Variants in COL4A5 observed in about 807,000 individuals in gnomAD.
COL4A5 encodes the protein collagen type IV alpha 5 chain.
In COL4A5, 26 loss-of-function variants were observed where a neutral mutation model predicts 130.2. The observed-to-expected ratio is 0.20, with a 90% CI of 0.15 to 0.28. The LOEUF (loss-of-function observed/expected upper bound fraction) is 0.28. COL4A5 is among the 10% of genes least tolerant of loss of function. The probability of loss-of-function intolerance (pLI) is 1.00; values close to 1 mark genes in which losing one functional copy is unlikely to be tolerated. For synonymous variants in COL4A5, 496 were observed against 439.6 expected (o/e 1.13, Z -1.60); for missense variants, 1,131 against 1,344.3 (o/e 0.84, Z 2.48).
intron 16 of COL4A5, among the ~76,000 whole-genome samples, chrX:108,581,872 G>T (rs1035619472): frequency 1.8e-5 from 2 of 109,730 alleles, no homozygotes; most frequent in African/African-American, 3.3e-5. Context: ...TTCCCATACA[G>T]TTTTTTTGTG....
intron 1 of COL4A5, among the ~76,000 whole-genome samples, chrX:108,535,852 ATTTT>A (rs773357022): frequency 9.4e-6 from 1 of 106,543 alleles, no homozygotes; most frequent in Admixed American, 1.0e-4. Context: ...TTTTCCAAGC[ATTTT>A]TTTTTTAAGT....
At position 108,513,477 on chromosome X, in the gene COL4A5, C is replaced by G. The variant is rs767893045; in HGVS notation, c.82-26269C>G. ...CAATGTGCTTTTAATTTGCATTTCCCTGATGACTAGTGATGTCGAGCCCTT... is the reference window on the plus strand; with the variant it reads ...CAATGTGCTTTTAATTTGCATTTCCGTGATGACTAGTGATGTCGAGCCCTT... On this transcript the variant is annotated intron_variant, in intron 1 of 52. Transcript: ENST00000328300. 3.6e-5 allele frequency among the ~76,000 whole-genome samples: 4 copies of G among 111,841 alleles called. No homozygotes were observed. In the South Asian group the frequency reaches 1.1e-3, roughly 31 times the overall value.
chrX:108,621,904 G>T lies in COL4A5; in HGVS notation c.2767+12G>T. The T allele has an allele frequency of 8.8e-7, 1 of 1,139,662 alleles. No individual in the cohort carries two copies. Among genetic ancestry groups the T allele is most frequent in the Non-Finnish European group, 1.2e-6 (1 of 830,683 alleles). 93.9% of individuals were successfully genotyped at this position (1,139,662 alleles called of 1,213,427 possible). A position where few individuals can be genotyped will look rare whatever the true frequency, so the allele number is the denominator to read the frequency against. ...ACCTGGTCTTAAAGGTAATAATCAA[G>T]GTTTGCTGCCAGACGTATGTGAGAG... On this transcript the variant is annotated intron_variant, in intron 32 of 52. Transcript: ENST00000328300.
chrX:108,443,015 A>G (rs1051835162), intron 1 of COL4A5: 2 of 111,475 alleles, frequency 1.8e-5, no homozygotes. Context: ...GCCCTTAATG[A>G]CTGTCCTATA....
chrX:108,500,300 TC>T (rs2147564491), intron 1 of COL4A5, among the ~76,000 whole-genome samples: 1 of 112,132 alleles, frequency 8.9e-6, no homozygotes, highest in African/African-American at 3.2e-5. Flanking sequence ...TCTTTCAGGC[TC>T]CCATGAGAAT....
intron 21 of COL4A5, among the ~76,000 whole-genome samples, chrX:108,594,100 T>G (rs1163850049): frequency 1.8e-5 from 2 of 111,997 alleles, no homozygotes; most frequent in Non-Finnish European, 3.8e-5. Context: ...AAGTCTTGAT[T>G]TCTGCCACCT....
chrX:108,564,807 C>G lies in COL4A5; in HGVS notation c.276+881C>G, dbSNP rs963257442. The stretch of plus-strand genomic sequence containing the variant: ...GTGACAAAGATAACCATTTGATCAT[C>G]AGAAATTTAGTAGATGCATAATTTT... On this transcript the variant is annotated intron_variant, in intron 4 of 52. Transcript: ENST00000328300. Among the ~76,000 whole-genome samples, 72 of 111,480 alleles carry G rather than the reference C, an allele frequency of 6.5e-4. 3 individuals carry two copies. Among genetic ancestry groups the G allele is most frequent in the Non-Finnish European group, 1.3e-4 (7 of 53,040 alleles).
At chrX:108,512,950 A>G (rs1027113943) in intron 1 of COL4A5, among the ~76,000 whole-genome samples, 4 of 111,020 alleles carry the variant, frequency 3.6e-5, no homozygotes, top group African/African-American at 1.3e-4. Context: ...TCGACCATAG[A>G]AGACGGCCAC....
chrX:108,655,187 T>C, intron 36 of COL4A5, 144 bp from the exon 37 acceptor site: 1 of 614,416 alleles, frequency 1.6e-6, no homozygotes, highest in South Asian at 2.7e-5. Flanking sequence ...CACAGAACTG[T>C]TGTGATGATT....
intron 2 of COL4A5, among the ~76,000 whole-genome samples, chrX:108,546,452 C>T (rs1250547222): frequency 2.7e-5 from 3 of 112,157 alleles, no homozygotes; most frequent in African/African-American, 9.7e-5. Context: ...TCTCTTCTGG[C>T]TTGTAGAGTT....
chrX:108,534,278 C>T (rs181429249), intron 1 of COL4A5, among the ~76,000 whole-genome samples: 1 of 111,567 alleles, frequency 9.0e-6, no homozygotes, highest in Non-Finnish European at 1.9e-5. Flanking sequence ...AAAGAAATAC[C>T]TACACTTGCC....
At chrX:108,625,670 A>G (rs766305654) in intron 34 of COL4A5, 35 bp from the exon 35 acceptor site, 42 of 942,137 alleles carry the variant, frequency 4.5e-5, no homozygotes, top group Non-Finnish European at 6.3e-5. Flanking sequence ...CAATATTGCT[A>G]CATTGTCTTA....
intron 4 of COL4A5, among the ~76,000 whole-genome samples, chrX:108,567,696 G>A (rs2065994425): frequency 9.0e-6 from 1 of 111,682 alleles, no homozygotes; most frequent in Admixed American, 9.5e-5. Context: ...GAAGAGCAAA[G>A]GGACATCATA....
At chrX:108,642,279 C>A (rs183001434) in intron 36 of COL4A5, among the ~76,000 whole-genome samples, 475 of 110,550 alleles carry the variant, frequency 4.3e-3, no homozygotes, top group Non-Finnish European at 7.6e-3. Flanking sequence ...GCCCTGCCCC[C>A]ACCTGATGAG....
chrX:108,450,758 C>T (rs926130020), intron 1 of COL4A5, among the ~76,000 whole-genome samples: 1 of 111,408 alleles, frequency 9.0e-6, no homozygotes, highest in South Asian at 3.8e-4. Flanking sequence ...CAAAATCATG[C>T]ATAGGGAAAA....
intron 16 of COL4A5, among the ~76,000 whole-genome samples, chrX:108,581,330 A>T (rs1052078707): frequency 1.8e-5 from 2 of 111,976 alleles, no homozygotes; most frequent in African/African-American, 6.5e-5. Flanking sequence ...TATCCTTTGC[A>T]TTACAAACAA....
chrX:108,596,359 G>T (rs2066517487), intron 22 of COL4A5, among the ~76,000 whole-genome samples: 1 of 112,024 alleles, frequency 8.9e-6, no homozygotes, highest in South Asian at 3.7e-4. Flanking sequence ...CACCTGGAGG[G>T]CTTATTGAAG....
intron 1 of COL4A5, among the ~76,000 whole-genome samples, chrX:108,445,023 ATT>A (rs752068743): frequency 9.5e-6 from 1 of 105,739 alleles, no homozygotes; most frequent in African/African-American, 3.4e-5. Flanking sequence ...TATCTCACAT[ATT>A]TTTTTTTTTA....
chrX:108,632,767 G>A (rs1260030983), intron 36 of COL4A5, among the ~76,000 whole-genome samples: 3 of 111,729 alleles, frequency 2.7e-5, no homozygotes, highest in African/African-American at 6.5e-5. Context: ...AAACACCTTC[G>A]ACAAAATTCA....
Sources: allele counts gnomAD v4.1 joint callset (sites outside exome capture counted in the v4.1 genomes callset), GRCh38; gene constraint gnomAD v4.1.1; transcripts MANE v1.5; gene names NCBI Gene and HGNC (gene_info 2026-07-23, HGNC 2026-07-21).